Variants in MAP7D1 observed in about 807,000 individuals in gnomAD.
The protein encoded by MAP7D1 is MAP7 domain containing 1.
A neutral mutation model predicts 97.5 loss-of-function variants in MAP7D1; 30 were observed. The observed-to-expected ratio is 0.31, with a 90% CI of 0.23 to 0.42. MAP7D1 has a LOEUF of 0.42. MAP7D1 is among the 10% of genes least tolerant of loss of function. MAP7D1 has a pLI of 1.00. For missense variants in MAP7D1, 1,184 were observed against 1,179.5 expected (o/e 1.00, Z -0.06); for synonymous variants, 536 against 477.1 (o/e 1.12, Z -1.61).
intron 1 of MAP7D1, among the ~76,000 whole-genome samples, chr1:36,158,324 T>A (rs1028801088): frequency 6.6e-6 from 1 of 152,142 alleles, no homozygotes; most frequent in Non-Finnish European, 1.5e-5. Flanking sequence ...GAGTCCTCTG[T>A]GGGGCTTTCT....
intron 1 of MAP7D1, among the ~76,000 whole-genome samples, chr1:36,160,215 G>C (rs1644389086): frequency 1.3e-5 from 2 of 152,228 alleles, no homozygotes; most frequent in African/African-American, 2.4e-5. Flanking sequence ...ATGCAGCTTT[G>C]TTGGCTGGTG....
intron 6 of MAP7D1, among the ~76,000 whole-genome samples, 160 bp downstream of exon 6, chr1:36,175,168 C>G (rs1644601497): frequency 6.6e-6 from 1 of 152,048 alleles, no homozygotes; most frequent in African/African-American, 2.4e-5. Context: ...CTCGGGGGAG[C>G]CGGCATATGG....
intron 1 of MAP7D1, among the ~76,000 whole-genome samples, chr1:36,169,534 T>TGACAGAGC (rs1644514811): frequency 6.7e-6 from 1 of 149,632 alleles, no homozygotes; most frequent in Non-Finnish European, 1.5e-5. Context: ...CCAGCCGGGG[T>TGACAGAGC]GACAGAGCGA....
chr1:36,159,934 G>GC lies in MAP7D1; in HGVS notation c.46+3475dup, dbSNP rs1644385750. 6.6e-6 allele frequency among the ~76,000 whole-genome samples: 1 copy of GC among 152,178 alleles called. No homozygotes were observed. Among genetic ancestry groups the GC allele is most frequent in the African/African-American group, 2.4e-5 (1 of 41,450 alleles). ...GGCCCAATAATGAGGCCTCTAATGA[G>GC]CCCCTAATGTGCAGTCACGCATATG... On this transcript the variant is annotated intron_variant, in intron 1 of 16. Coordinates refer to ENST00000474796, the MANE Select transcript of MAP7D1 (RefSeq NM_001388490.1). The surrounding 1 kb of genome is among the most constrained non-coding windows in gnomAD (Gnocchi z 5.4).
In MAP7D1 at chr1:36,176,195, C is replaced by G; in HGVS notation, c.851-4C>G. The stretch of plus-strand genomic sequence containing the variant: ...ACCGGCTTCGCCTGGCCTTCTACCC[C>G]CAGATCGCAGCCTGCAGCTGAGCGC... On this transcript the variant is annotated splice_region_variant and splice_polypyrimidine_tract_variant and intron_variant, in intron 6 of 16. Transcript: ENST00000474796. The surrounding 1 kb of genome is among the most constrained non-coding windows in gnomAD (Gnocchi z 6.1). 1.2e-6 allele frequency: 2 copies of G among 1,605,936 alleles called. No individual in the cohort carries two copies. The highest frequency in any genetic ancestry group is 1.7e-6 in the Non-Finnish European group (2 of 1,178,790).
At position 36,171,546 on chromosome 1, in the gene MAP7D1, C is replaced by A; in HGVS notation, c.425C>A (p.Ala142Glu). The A allele has an allele frequency of 6.2e-7, 1 of 1,614,170 alleles. No homozygotes were observed. Among genetic ancestry groups the A allele is most frequent in the Non-Finnish European group, 8.5e-7 (1 of 1,180,014 alleles). The stretch of plus-strand genomic sequence containing the variant: ...AAGGCAGGAGAGAGACACAAGCTGG[C>A]AAAGGAGCGGCGAGAAGAGCGGGCC... ...VKKAGERHKL[A>E]KERREERAKY... Residue 142 changes from alanine to glutamate, a missense_variant, in exon 3 of 17, where the codon GCA (alanine) becomes GAA (glutamate). Transcript: ENST00000474796.
intron 3 of MAP7D1, 64 bp from the exon 4 acceptor site, chr1:36,172,400 A>G: frequency 7.4e-7 from 1 of 1,359,610 alleles, no homozygotes; most frequent in Non-Finnish European, 9.6e-7. Context: ...CTTGGAGGAA[A>G]TGTCCTTGGC....
In MAP7D1 at chr1:36,170,875, T is replaced by C; in HGVS notation, c.47-96T>C. ...TAGAAATAACTCAAACATAAGTGAA[T>C]GAAGAAGTCGGTTGAACAAGGGAGA... On this transcript the variant is annotated intron_variant, in intron 1 of 16. Coordinates refer to ENST00000474796, the MANE Select transcript of MAP7D1 (RefSeq NM_001388490.1). 4.6e-6 allele frequency: 3 copies of C among 658,500 alleles called. No individual in the cohort carries two copies. The East Asian group carries it at 7.7e-5, about 17-fold the overall frequency. 40.8% of individuals were successfully genotyped at this position (658,500 alleles called of 1,614,324 possible). A position where few individuals can be genotyped will look rare whatever the true frequency, so the allele number is the denominator to read the frequency against.
chr1:36,178,888 C>T, intron 11 of MAP7D1, 33 bp from the exon 12 acceptor site: 2 of 1,550,128 alleles, frequency 1.3e-6, no homozygotes. Flanking sequence ...AGGCTGGAGT[C>T]AAGTGCCCCA....
intron 9 of MAP7D1, 74 bp from the exon 10 acceptor site, chr1:36,178,345 G>T (rs547212267): frequency 1.4e-4 from 218 of 1,521,254 alleles, no homozygotes; most frequent in Middle Eastern, 2.4e-4. Context: ...CCCAGGCCCA[G>T]AACACAGGCC....
chr1:36,173,356 T>C lies in MAP7D1; in HGVS notation c.625-8T>C. The C allele has an allele frequency of 1.9e-6, 3 of 1,606,606 alleles. No homozygotes were observed. The highest frequency in any genetic ancestry group is 1.3e-5 in the African/African-American group (1 of 74,678). On this transcript the variant is annotated splice_region_variant and splice_polypyrimidine_tract_variant and intron_variant, in intron 4 of 16. Transcript: ENST00000474796. ...CCACATCTCTCTCTTCTCCCCACCT[T>C]CCCCCAGGAGCGCTATGAAGCAGCC...
intron 4 of MAP7D1, 119 bp from the exon 5 acceptor site, chr1:36,173,245 A>G (rs2124233832): frequency 2.7e-6 from 2 of 731,236 alleles, no homozygotes; most frequent in Non-Finnish European, 4.7e-6. Context: ...ATGAGTCAGG[A>G]AAAGACTCCA....
In MAP7D1 at chr1:36,177,868, C is replaced by G; in HGVS notation, c.1380-5C>G. ...CTAACCCTTCCCTTTTCCCTTTTCT[C>G]TTAGCCCCAAATCCAAGGCCAGGCC... On this transcript the variant is annotated splice_region_variant and splice_polypyrimidine_tract_variant and intron_variant, in intron 8 of 16. Transcript: ENST00000474796. 1.3e-6 allele frequency: 2 copies of G among 1,528,010 alleles called. No individual in the cohort carries two copies. Among genetic ancestry groups the G allele is most frequent in the Non-Finnish European group, 8.8e-7 (1 of 1,138,742 alleles). The allele number at this position is 1,528,010 out of a possible 1,614,324, so 94.7% of individuals were successfully genotyped here.
At chr1:36,169,555 CAAA>C (rs780377186) in intron 1 of MAP7D1, among the ~76,000 whole-genome samples, 7 of 96,214 alleles carry the variant, frequency 7.3e-5, no homozygotes, top group African/African-American at 7.8e-5. Context: ...GACTCCGTCT[CAAA>C]AAAAAAAAAA....
chr1:36,178,288 G>A, intron 9 of MAP7D1, 87 bp downstream of exon 9: 1 of 1,475,956 alleles, frequency 6.8e-7, no homozygotes, highest in Non-Finnish European at 9.0e-7. Context: ...AGATGCCTGA[G>A]GACTGGGAGT....
intron 1 of MAP7D1, among the ~76,000 whole-genome samples, chr1:36,163,899 A>T (rs1256524319): frequency 7.4e-5 from 10 of 135,362 alleles, no homozygotes; most frequent in Non-Finnish European, 6.0e-5. Flanking sequence ...GCAGTCTCAG[A>T]TCACTGCAGC....
At position 36,179,654 on chromosome 1, in the gene MAP7D1, T is replaced by G. The variant is rs1416867614; in HGVS notation, c.2228-12T>G. 2 of 1,536,686 alleles carry G rather than the reference T, an allele frequency of 1.3e-6. No homozygotes were observed. Among genetic ancestry groups the G allele is most frequent in the Non-Finnish European group, 1.8e-6 (2 of 1,138,486 alleles). On this transcript the variant is annotated splice_polypyrimidine_tract_variant and intron_variant, in intron 14 of 16. Transcript: ENST00000474796. ...CAGCCCCTGGCTGATGGCCCCTCTT[T>G]CCCTGTGACAGAGCCTGTGAAAGCT...
chr1:36,165,168 A>G (rs961334052), intron 1 of MAP7D1, among the ~76,000 whole-genome samples: 3 of 152,178 alleles, frequency 2.0e-5, no homozygotes, highest in Non-Finnish European at 2.9e-5. Context: ...CTGTTGCCCA[A>G]GCTGGTATAC....
At chr1:36,163,890 C>A (rs1644444161) in intron 1 of MAP7D1, among the ~76,000 whole-genome samples, 1 of 126,206 alleles carries the variant, frequency 7.9e-6, no homozygotes. Context: ...TGCAGTAGTG[C>A]AGTCTCAGAT....
Sources: gnomAD v4.1 joint callset for allele counts (sites outside exome capture counted in the v4.1 genomes callset) on GRCh38, gnomAD v4.1.1 for gene constraint, Gnocchi (gnomAD v3.1) non-coding constraint, MANE v1.5 for transcripts, NCBI Gene and HGNC (gene_info 2026-07-23, HGNC 2026-07-21) for gene names.